The following NANOG variants were observed in gnomAD, a reference collection of about 807,000 sequenced individuals.
NANOG encodes Nanog homeobox, also known as homeobox protein NANOG.
Under a neutral mutation model 17.7 loss-of-function variants are expected in NANOG, and 2 were observed. That is an observed-to-expected ratio of 0.11 (90% CI 0.05 to 0.36). The LOEUF (loss-of-function observed/expected upper bound fraction) is 0.36. NANOG is among the 10% of genes least tolerant of loss of function. The pLI is 1.00. For missense variants in NANOG, 174 were observed against 362.1 expected (o/e 0.48, Z 4.22); for synonymous variants, 81 against 124.7 (o/e 0.65, Z 2.33).
chr12:7,794,630 G>A, intron 3 of NANOG, 49 bp from the exon 4 acceptor site: 2 of 1,611,094 alleles, frequency 1.2e-6, no homozygotes, highest in Non-Finnish European at 1.7e-6. Context: ...GTCACAGACA[G>A]TTCTGGTTGT....
In NANOG at chr12:7,789,809, A is replaced by C. The variant is rs772965031; in HGVS notation, c.151+44A>C. The stretch of plus-strand genomic sequence containing the variant: ...CTTGAAAGGCCAAGTTCCTTAAGGG[A>C]AAAGAGAGAAGGAGAGAGGGTTAAG... On this transcript the variant is annotated intron_variant, in intron 1 of 3. Transcript: ENST00000229307. 28 of 1,588,628 alleles carry C rather than the reference A, an allele frequency of 1.8e-5. No individual in the cohort carries two copies. The Admixed American group carries it at 4.5e-4, about 26-fold the overall frequency.
intron 2 of NANOG, 93 bp from the exon 3 acceptor site, chr12:7,794,364 C>A: frequency 8.4e-7 from 1 of 1,190,096 alleles, no homozygotes; most frequent in Non-Finnish European, 1.2e-6. Flanking sequence ...TGAGATATGG[C>A]ACCTGGCCAG....
intron 1 of NANOG, among the ~76,000 whole-genome samples, chr12:7,791,920 A>G (rs781375497): frequency 1.3e-5 from 2 of 152,100 alleles, no homozygotes; most frequent in Admixed American, 6.6e-5. Context: ...TTTTTTTGAG[A>G]CAGTCTCACT....
chr12:7,792,728 A>T (rs1300224864), intron 1 of NANOG, among the ~76,000 whole-genome samples: 2 of 152,108 alleles, frequency 1.3e-5, no homozygotes, highest in Non-Finnish European at 2.9e-5. Context: ...GATCTCTCCC[A>T]ACGCAGTCTA....
chr12:7,792,425 G>C (rs983713870), intron 1 of NANOG, among the ~76,000 whole-genome samples: 1 of 152,088 alleles, frequency 6.6e-6, no homozygotes, highest in East Asian at 1.9e-4. Context: ...TCAGTACTTC[G>C]GGAGGCCGAG....
At position 7,792,981 on chromosome 12, in the gene NANOG, T is replaced by C; in HGVS notation, c.183T>C (p.Leu61=). The change falls in exon 2 of 4, where the codon CTT becomes CTC. Residue 61 remains leucine (L), a synonymous_variant. Transcript: ENST00000229307. ...VSPLPSSMDL[L]IQDSPDSSTS... is the part of the protein sequence containing the mutation. ...CTCTTCCTTCCTCCATGGATCTGCT[T>C]ATTCAGGACAGCCCTGATTCTTCCA... is the stretch of plus-strand genomic sequence containing the variant. The C allele has an allele frequency of 6.2e-7, 1 of 1,608,978 alleles. No individual in the cohort carries two copies. Among genetic ancestry groups the C allele is most frequent in the Non-Finnish European group, 8.5e-7 (1 of 1,177,588 alleles).
At chr12:7,792,641 G>A (rs187179887) in intron 1 of NANOG, among the ~76,000 whole-genome samples, 316 of 152,132 alleles carry the variant, frequency 2.1e-3, no homozygotes, top group Non-Finnish European at 4.0e-3. Flanking sequence ...TTCAGCCTGG[G>A]CAACAAGAGT....
chr12:7,792,433 G>A (rs1225398286), intron 1 of NANOG, among the ~76,000 whole-genome samples: 3 of 152,244 alleles, frequency 2.0e-5, no homozygotes, highest in African/African-American at 4.8e-5. Context: ...TCGGGAGGCC[G>A]AGGCAGGCGG....
At chr12:7,791,168 G>T (rs1862835904) in intron 1 of NANOG, among the ~76,000 whole-genome samples, 1 of 151,090 alleles carries the variant, frequency 6.6e-6, no homozygotes, top group Non-Finnish European at 1.5e-5. Flanking sequence ...GAGTGCAGTG[G>T]CGTGATCTTG....
intron 2 of NANOG, among the ~76,000 whole-genome samples, chr12:7,794,116 G>A (rs10845890): frequency 1.3e-5 from 2 of 151,824 alleles, no homozygotes; most frequent in South Asian, 2.1e-4. Context: ...CTGTTGTCAC[G>A]CAGCTGGAGT....
At chr12:7,794,398 T>G in intron 2 of NANOG, 59 bp from the exon 3 acceptor site, 1 of 1,449,334 alleles carries the variant, frequency 6.9e-7, no homozygotes, top group Non-Finnish European at 9.6e-7. Flanking sequence ...CAATATACTT[T>G]GATTCAAAGT....
intron 2 of NANOG, among the ~76,000 whole-genome samples, chr12:7,793,551 C>CT (rs1001927998): frequency 1.3e-5 from 2 of 151,870 alleles, no homozygotes; most frequent in African/African-American, 2.4e-5. Flanking sequence ...AAAATAAAAA[C>CT]TTTTTTTTTC....
chr12:7,795,094 GAA>G lies in NANOG; in HGVS notation c.918_*1del, dbSNP rs756430902. ...ATGAACATGCAACCTGAAGACGTGT[GAA>G]GATGAGTGAAACTGATATTACTCAA... On this transcript the variant is annotated stop_lost and 3_prime_UTR_variant, in exon 4 of 4. Transcript: ENST00000229307. The G allele has an allele frequency of 8.3e-7, 1 of 1,209,744 alleles. No individual in the cohort carries two copies. 74.9% of individuals were successfully genotyped at this position (1,209,744 alleles called of 1,614,324 possible).
chr12:7,791,952 A>G (rs1434106718), intron 1 of NANOG, among the ~76,000 whole-genome samples: 2 of 152,130 alleles, frequency 1.3e-5, no homozygotes, highest in East Asian at 3.9e-4. Flanking sequence ...GCTGGAGTGC[A>G]GTGGCACTCT....
At chr12:7,792,690 G>A (rs1234599105) in intron 1 of NANOG, among the ~76,000 whole-genome samples, 1 of 151,938 alleles carries the variant, frequency 6.6e-6, no homozygotes, top group African/African-American at 2.4e-5. Flanking sequence ...GGGTAGCGCC[G>A]CTCAGCAATG....
At chr12:7,790,360 T>C (rs1029713580) in intron 1 of NANOG, among the ~76,000 whole-genome samples, 7 of 152,188 alleles carry the variant, frequency 4.6e-5, no homozygotes, top group Non-Finnish European at 1.0e-4. Context: ...TTCTCCTAAG[T>C]CCTGGGAAGC....
In NANOG at chr12:7,795,763, C is replaced by T. The variant is rs57915951; in HGVS notation, c.*668C>T. ...TACAAATTGGTGATGAAGATGTATT[C>T]GTATTGTTTGGGATTGGGAGGCTTT... On this transcript the variant is annotated 3_prime_UTR_variant, in exon 4 of 4. Coordinates refer to ENST00000229307, the MANE Select transcript of NANOG (RefSeq NM_024865.4). 1 of 144,468 alleles carries T rather than the reference C, an allele frequency of 6.9e-6. No homozygotes were observed. The highest frequency in any genetic ancestry group is 1.5e-5 in the Non-Finnish European group (1 of 66,070). The allele number at this position is 144,468 out of a possible 1,614,324, so 8.9% of individuals were successfully genotyped here.
At chr12:7,790,627 G>A (rs1240451011) in intron 1 of NANOG, among the ~76,000 whole-genome samples, 2 of 152,122 alleles carry the variant, frequency 1.3e-5, no homozygotes, top group African/African-American at 2.4e-5. Context: ...AACACTGAAC[G>A]CTGTAAAATA....
intron 1 of NANOG, among the ~76,000 whole-genome samples, chr12:7,792,210 T>C (rs1213743665): frequency 6.6e-6 from 1 of 152,188 alleles, no homozygotes; most frequent in Non-Finnish European, 1.5e-5. Context: ...GCTGGTTTTA[T>C]AGAATCCCCA....
Sources: allele counts gnomAD v4.1 joint callset (sites outside exome capture counted in the v4.1 genomes callset), GRCh38; gene constraint gnomAD v4.1.1; transcripts MANE v1.5; gene names NCBI Gene and HGNC (gene_info 2026-07-23, HGNC 2026-07-21).